EPHA5: variants seen among roughly 807,000 people sequenced by gnomAD.
The protein encoded by EPHA5 is EPH receptor A5.
A neutral mutation model predicts 105.0 loss-of-function variants in EPHA5; 60 were observed. The ratio of observed to expected loss-of-function variants is 0.57; its 90% CI spans 0.46 to 0.71. EPHA5 has a LOEUF of 0.71. EPHA5 is among the 30% of genes least tolerant of loss of function. The probability of loss-of-function intolerance (pLI) is 0.00; values close to 1 mark genes in which losing one functional copy is unlikely to be tolerated. For missense variants in EPHA5, 1,218 were observed against 1,274.7 expected, an observed-to-expected ratio of 0.96 and a Z score of 0.68; for synonymous variants, 513 against 449.1, an observed-to-expected ratio of 1.14 and a Z score of -1.80.
intron 5 of EPHA5, among the ~76,000 whole-genome samples, chr4:65,434,063 A>T (rs911773645): frequency 4.0e-5 from 5 of 123,722 alleles, no homozygotes; most frequent in African/African-American, 1.0e-4. Flanking sequence ...TCAAAAAAAT[A>T]AAAAAATTAA....
chr4:65,644,218 A>ACC lies in EPHA5; in HGVS notation c.182-793_182-792dup, dbSNP rs397823407. On this transcript the variant is annotated intron_variant, in intron 1 of 16. Transcript: ENST00000613740. ...TTTATGAGTATCTACACACACACACACCCCCATGCACACACATACACACTC... is the reference window on the plus strand; with the variant it reads ...TTTATGAGTATCTACACACACACACACCCCCCCATGCACACACATACACACTC... 1.1e-4 allele frequency among the ~76,000 whole-genome samples: 16 copies of ACC among 150,962 alleles called. No individual in the cohort carries two copies. The East Asian group carries it at 1.2e-3, about 11-fold the overall frequency.
intron 3 of EPHA5, among the ~76,000 whole-genome samples, chr4:65,568,878 A>G (rs532924072): frequency 1.3e-5 from 2 of 151,058 alleles, no homozygotes; most frequent in Non-Finnish European, 3.0e-5. Flanking sequence ...GTTTTAGTTT[A>G]TTGTTTCAAT....
At chr4:65,653,587 G>C (rs561414669) in intron 1 of EPHA5, among the ~76,000 whole-genome samples, 3 of 151,700 alleles carry the variant, frequency 2.0e-5, no homozygotes, top group African/African-American at 7.3e-5. Context: ...AAAATACAAT[G>C]GTTTATATAT....
intron 3 of EPHA5, among the ~76,000 whole-genome samples, chr4:65,599,131 T>C (rs1743462072): frequency 6.6e-6 from 1 of 151,744 alleles, no homozygotes. Context: ...AAGAAGGAAA[T>C]AGAAGTAGAT....
chr4:65,506,058 T>A (rs889187683), intron 3 of EPHA5, among the ~76,000 whole-genome samples: 4 of 152,116 alleles, frequency 2.6e-5, no homozygotes, highest in African/African-American at 9.7e-5. Flanking sequence ...TGTCCATGTG[T>A]TGTCATTGTA....
intron 5 of EPHA5, among the ~76,000 whole-genome samples, chr4:65,475,403 T>G (rs1354770182): frequency 1.3e-5 from 2 of 152,204 alleles, no homozygotes; most frequent in Non-Finnish European, 2.9e-5. Flanking sequence ...TAAGTGAACT[T>G]TGTTTAGAAT....
intron 3 of EPHA5, among the ~76,000 whole-genome samples, chr4:65,569,562 A>G (rs1739906488): frequency 6.6e-6 from 1 of 151,766 alleles, no homozygotes; most frequent in Non-Finnish European, 1.5e-5. Flanking sequence ...AGATAAATTA[A>G]AAGACATTAA....
chr4:65,622,550 T>C (rs1277077034), intron 2 of EPHA5, among the ~76,000 whole-genome samples: 1 of 152,078 alleles, frequency 6.6e-6, no homozygotes, highest in Non-Finnish European at 1.5e-5. Flanking sequence ...TGAAAATAAA[T>C]GTAGTACTAT....
chr4:65,339,104 A>G (rs1246664585), intron 14 of EPHA5, among the ~76,000 whole-genome samples: 2 of 152,192 alleles, frequency 1.3e-5, no homozygotes, highest in Non-Finnish European at 2.9e-5. Flanking sequence ...GTAAACTGAT[A>G]GTCTGAACAC....
chr4:65,628,498 C>T (rs148921566), intron 2 of EPHA5, among the ~76,000 whole-genome samples: 376 of 152,062 alleles, frequency 2.5e-3, no homozygotes, highest in South Asian at 4.1e-3. Context: ...CTGATATTAG[C>T]CTTGAGATTA....
chr4:65,655,619 G>C (rs1236798115), intron 1 of EPHA5, among the ~76,000 whole-genome samples: 1 of 152,020 alleles, frequency 6.6e-6, no homozygotes, highest in African/African-American at 2.4e-5. Context: ...AAGTACTTCC[G>C]TTCTAAGCAA....
intron 14 of EPHA5, among the ~76,000 whole-genome samples, chr4:65,337,575 T>A (rs1415525388): frequency 3.3e-5 from 5 of 152,044 alleles, no homozygotes; most frequent in Admixed American, 1.3e-4. Flanking sequence ...ACCAAGCAAA[T>A]TCAAGCCTAT....
At chr4:65,609,102 T>C (rs1166709841) in intron 2 of EPHA5, among the ~76,000 whole-genome samples, 1 of 152,192 alleles carries the variant, frequency 6.6e-6, no homozygotes, top group Admixed American at 6.5e-5. Context: ...CAGAAGCATC[T>C]CTATTTTTAC....
intron 3 of EPHA5, among the ~76,000 whole-genome samples, chr4:65,517,158 A>T (rs13133372): frequency 0.14 from 21,726 of 151,894 alleles, 1,768 homozygotes; most frequent in Non-Finnish European, 0.18. Flanking sequence ...AAATGTACAT[A>T]TTTATAATTG....
At chr4:65,426,376 C>T (rs967011371) in intron 5 of EPHA5, among the ~76,000 whole-genome samples, 1 of 152,158 alleles carries the variant, frequency 6.6e-6, no homozygotes, top group African/African-American at 2.4e-5. Flanking sequence ...TTATTCAAGT[C>T]TTTAAAATAC....
At chr4:65,596,497 C>A (rs1287759612) in intron 3 of EPHA5, among the ~76,000 whole-genome samples, 4 of 151,614 alleles carry the variant, frequency 2.6e-5, no homozygotes, top group African/African-American at 7.3e-5. Context: ...AACAAACAAA[C>A]AAAAAACAAA....
At chr4:65,613,670 A>T (rs568213444) in intron 2 of EPHA5, among the ~76,000 whole-genome samples, 8 of 152,148 alleles carry the variant, frequency 5.3e-5, no homozygotes, top group Non-Finnish European at 8.8e-5. Context: ...TGTCTATTGC[A>T]AATTCCTCCT....
chr4:65,365,661 A>C (rs1352570565), intron 10 of EPHA5, among the ~76,000 whole-genome samples: 4 of 83,674 alleles, frequency 4.8e-5, no homozygotes, highest in Non-Finnish European at 8.2e-5. Context: ...ATATATATAT[A>C]TATATATATA....
intron 5 of EPHA5, among the ~76,000 whole-genome samples, chr4:65,432,437 A>G (rs991181851): frequency 1.3e-5 from 2 of 152,234 alleles, no homozygotes; most frequent in Non-Finnish European, 2.9e-5. Context: ...GAGAAAGTCT[A>G]CAGTTAATTA....
Sources: allele counts gnomAD v4.1 joint callset (sites outside exome capture counted in the v4.1 genomes callset), GRCh38; gene constraint gnomAD v4.1.1; transcripts MANE v1.5; gene names NCBI Gene and HGNC (gene_info 2026-07-23, HGNC 2026-07-21).